Variants in SPRED1 observed in about 807,000 individuals in gnomAD.
The protein encoded by SPRED1 is sprouty-related, EVH1 domain-containing protein 1.
SPRED1 carries 18 observed loss-of-function variants against 52.3 expected under a neutral mutation model. The observed-to-expected ratio is 0.34, with a 90% CI of 0.24 to 0.51. The LOEUF (loss-of-function observed/expected upper bound fraction) is 0.51. SPRED1 is among the 20% of genes least tolerant of loss of function. The probability of loss-of-function intolerance (pLI) is 0.97; values close to 1 mark genes in which losing one functional copy is unlikely to be tolerated. For synonymous variants in SPRED1, 155 were observed against 179.7 expected (o/e 0.86, Z 1.10); for missense variants, 485 against 551.0 (o/e 0.88, Z 1.20).
At chr15:38,302,553 T>C (rs760781406) in intron 2 of SPRED1, among the ~76,000 whole-genome samples, 6 of 152,146 alleles carry the variant, frequency 3.9e-5, no homozygotes, top group Non-Finnish European at 5.9e-5. Context: ...ATAAAGCATC[T>C]TTATGATGCC....
chr15:38,351,786 AG>A lies in SPRED1; in HGVS notation c.*124del, dbSNP rs1341820535. 3.3e-6 allele frequency: 4 copies of A among 1,226,870 alleles called. No individual in the cohort carries two copies. Among genetic ancestry groups the A allele is most frequent in the Non-Finnish European group, 4.6e-6 (4 of 867,588 alleles). 76.0% of individuals were successfully genotyped at this position (1,226,870 alleles called of 1,614,324 possible). On this transcript the variant is annotated 3_prime_UTR_variant, in exon 7 of 7. Coordinates refer to ENST00000299084, the MANE Select transcript of SPRED1 (RefSeq NM_152594.3). ...CTGGTATCATTGAGCCCACACATGGAGGAAGCAGAACTCATCAGTTCTTGGC... is the reference window on the plus strand; with the variant it reads ...CTGGTATCATTGAGCCCACACATGGAGAAGCAGAACTCATCAGTTCTTGGC...
intron 4 of SPRED1, among the ~76,000 whole-genome samples, chr15:38,332,614 GCT>G (rs1396793685): frequency 6.6e-6 from 1 of 152,132 alleles, no homozygotes; most frequent in Non-Finnish European, 1.5e-5. Flanking sequence ...GGCTTAAGGA[GCT>G]CTCTCTATAC....
chr15:38,261,269 A>T (rs775576784), intron 1 of SPRED1, among the ~76,000 whole-genome samples: 5 of 152,140 alleles, frequency 3.3e-5, no homozygotes, highest in Non-Finnish European at 7.4e-5. Flanking sequence ...AGGGTGTGGG[A>T]TTTACTTAAC....
chr15:38,290,201 T>TTA (rs1219735531), intron 1 of SPRED1, among the ~76,000 whole-genome samples: 1 of 152,202 alleles, frequency 6.6e-6, no homozygotes, highest in Admixed American at 6.5e-5. Flanking sequence ...AATGAATACT[T>TTA]TTTATAGTTC....
At chr15:38,336,815 G>A (rs1895933669) in intron 4 of SPRED1, among the ~76,000 whole-genome samples, 2 of 151,966 alleles carry the variant, frequency 1.3e-5, no homozygotes. Context: ...AGGGATAAAA[G>A]GCTACACATT....
intron 2 of SPRED1, among the ~76,000 whole-genome samples, chr15:38,315,344 T>C (rs931570035): frequency 6.6e-6 from 1 of 151,934 alleles, no homozygotes; most frequent in Non-Finnish European, 1.5e-5. Flanking sequence ...GCAACTACAA[T>C]GTAGTACTTA....
At chr15:38,315,796 C>T (rs1236092297) in intron 2 of SPRED1, among the ~76,000 whole-genome samples, 3 of 152,124 alleles carry the variant, frequency 2.0e-5, no homozygotes, top group East Asian at 1.9e-4. Context: ...CTCCCATCCT[C>T]GCATAGCAAG....
chr15:38,339,677 T>C, intron 4 of SPRED1, 60 bp from the exon 5 acceptor site: 1 of 1,539,844 alleles, frequency 6.5e-7, no homozygotes, highest in Non-Finnish European at 9.0e-7. Flanking sequence ...AAGTATCTTA[T>C]TTTGTGGTGG....
Position 38,344,700 on chromosome 15 carries a change from C to T in SPRED1, c.583-4722C>T, listed in dbSNP as rs964157086. Among the ~76,000 whole-genome samples, 4 of 152,218 alleles carry T rather than the reference C, an allele frequency of 2.6e-5. No individual in the cohort carries two copies. The South Asian group carries it at 8.3e-4, about 32-fold the overall frequency. ...CTGTAAATTGGAATAATATCGGTAT[C>T]TACCTCCTAGAGTTGTTATGAATAT... On this transcript the variant is annotated intron_variant, in intron 5 of 6. Coordinates refer to ENST00000299084, the MANE Select transcript of SPRED1 (RefSeq NM_152594.3).
chr15:38,267,205 A>G (rs1352319120), intron 1 of SPRED1, among the ~76,000 whole-genome samples: 1 of 150,096 alleles, frequency 6.7e-6, no homozygotes, highest in Non-Finnish European at 1.5e-5. Flanking sequence ...TAATATAAAG[A>G]CTTAGGCGTA....
chr15:38,322,415 T>C lies in SPRED1; in HGVS notation c.376+6T>C, dbSNP rs1895622809. ...TATAGAGGATATTTCTCAAGGTAGG[T>C]ATTCTTGACTATTTTCTTAATTTAT... On this transcript the variant is annotated splice_donor_region_variant and intron_variant, in intron 3 of 6. Coordinates refer to ENST00000299084, the MANE Select transcript of SPRED1 (RefSeq NM_152594.3). 2 of 1,612,222 alleles carry C rather than the reference T, an allele frequency of 1.2e-6. No individual in the cohort carries two copies. The highest frequency in any genetic ancestry group is 1.7e-6 in the Non-Finnish European group (2 of 1,178,490).
At chr15:38,327,333 T>C (rs910681215) in intron 4 of SPRED1, among the ~76,000 whole-genome samples, 4 of 152,162 alleles carry the variant, frequency 2.6e-5, no homozygotes, top group African/African-American at 9.7e-5. Flanking sequence ...TACGGAAACA[T>C]TATTTTATAC....
At chr15:38,256,821 A>G (rs1204769178) in intron 1 of SPRED1, among the ~76,000 whole-genome samples, 1 of 142,932 alleles carries the variant, frequency 7.0e-6, no homozygotes, top group Non-Finnish European at 1.6e-5. Flanking sequence ...ACACACACAC[A>G]CATATATATA....
At chr15:38,269,743 T>G (rs900838167) in intron 1 of SPRED1, among the ~76,000 whole-genome samples, 2 of 152,228 alleles carry the variant, frequency 1.3e-5, no homozygotes, top group Non-Finnish European at 2.9e-5. Flanking sequence ...ATTCTGTTTG[T>G]GGTATCCACT....
chr15:38,335,467 C>A (rs1272394206), intron 4 of SPRED1, among the ~76,000 whole-genome samples: 1 of 151,970 alleles, frequency 6.6e-6, no homozygotes, highest in East Asian at 1.9e-4. Flanking sequence ...GTGAAAGATA[C>A]TCAGAAGATT....
At chr15:38,296,343 A>G (rs550814502) in intron 1 of SPRED1, among the ~76,000 whole-genome samples, 1 of 152,340 alleles carries the variant, frequency 6.6e-6, no homozygotes, top group South Asian at 2.1e-4. Context: ...TGTTAATCAA[A>G]TTACAAATTT....
chr15:38,312,517 C>T (rs1409173831), intron 2 of SPRED1, among the ~76,000 whole-genome samples: 1 of 151,996 alleles, frequency 6.6e-6, no homozygotes, highest in Non-Finnish European at 1.5e-5. Flanking sequence ...GTAGAATTCC[C>T]CTACAGTATC....
chr15:38,339,806 A>G lies in SPRED1; in HGVS notation c.493A>G (p.Ser165Gly), dbSNP rs1456920197. 1.9e-6 allele frequency: 3 copies of G among 1,614,002 alleles called. No individual in the cohort carries two copies. The highest frequency in any genetic ancestry group is 2.5e-6 in the Non-Finnish European group (3 of 1,179,926). The change falls in exon 5 of 7, where the codon AGT becomes GGT. Residue 165 changes from serine (S) to glycine (G), a missense_variant. Around this residue, in one of 5 missense-constraint regions of SPRED1, gnomAD observed 232 missense variants for 231.8 expected, o/e 1.00. Transcript: ENST00000299084. ...HLFQQETVVTSEPYRSSNIRP... is the reference protein window; with the variant it reads ...HLFQQETVVTGEPYRSSNIRP... ...TTTTCAGCAAGAGACAGTTGTTACC[A>G]GTGAGCCTTATAGAAGCTCAAATAT...
At chr15:38,299,676 G>A (rs1039036766) in intron 2 of SPRED1, 129 bp downstream of exon 2, 1 of 947,532 alleles carries the variant, frequency 1.1e-6, no homozygotes, top group Non-Finnish European at 1.6e-6. Flanking sequence ...CTGTTTCTGT[G>A]TTAAAGGCAG....
Sources: allele counts gnomAD v4.1 joint callset (sites outside exome capture counted in the v4.1 genomes callset), GRCh38; gene constraint gnomAD v4.1.1; regional missense constraint gnomAD v4.1.1; transcripts MANE v1.5; gene names NCBI Gene and HGNC (gene_info 2026-07-23, HGNC 2026-07-21).